Variants in CNTN1 observed in about 807,000 individuals in gnomAD.
The protein encoded by CNTN1 is contactin 1.
CNTN1 carries 38 observed loss-of-function variants against 126.4 expected under a neutral mutation model. The observed-to-expected ratio is 0.30, with a 90% CI of 0.23 to 0.39. The LOEUF is 0.39. CNTN1 is among the 10% of genes least tolerant of loss of function. The pLI is 1.00. For missense variants in CNTN1, 1,009 were observed against 1,248.4 expected (o/e 0.81, Z 2.89); for synonymous variants, 413 against 422.6 (o/e 0.98, Z 0.28).
At chr12:40,878,193 C>CT (rs1279838876) in intron 1 of CNTN1, among the ~76,000 whole-genome samples, 2 of 151,520 alleles carry the variant, frequency 1.3e-5, no homozygotes, top group Non-Finnish European at 2.9e-5. Context: ...GACAAAGTTT[C>CT]TCCATGTTTG....
intron 20 of CNTN1, 105 bp downstream of exon 20, chr12:41,020,545 C>A: frequency 1.4e-6 from 1 of 730,454 alleles, no homozygotes; most frequent in South Asian, 1.7e-5. Flanking sequence ...TATGTGGCAA[C>A]TAATACTTTA....
intron 17 of CNTN1, among the ~76,000 whole-genome samples, chr12:40,999,697 CTTTTTTTTTTT>C (rs398019220): frequency 2.3e-5 from 2 of 86,646 alleles, no homozygotes; most frequent in African/African-American, 9.7e-5. Flanking sequence ...TTCTTCTGTG[CTTTTTTTTTTT>C]TTTTTTTTTT....
At chr12:40,807,845 T>A (rs1343631551) in intron 1 of CNTN1, among the ~76,000 whole-genome samples, 2 of 152,172 alleles carry the variant, frequency 1.3e-5, no homozygotes, top group African/African-American at 4.8e-5. Context: ...ACCTTTAACA[T>A]TTTCTTTTAT....
intron 23 of CNTN1, among the ~76,000 whole-genome samples, chr12:41,066,983 G>A (rs572696985): frequency 1.3e-5 from 2 of 152,212 alleles, no homozygotes; most frequent in South Asian, 2.1e-4. Context: ...AGCAAAATAT[G>A]TGTTTACTAT....
intron 23 of CNTN1, 131 bp downstream of exon 23, chr12:41,029,350 G>A: frequency 9.7e-7 from 1 of 1,028,238 alleles, no homozygotes; most frequent in East Asian, 2.5e-5. Context: ...ACATATCAAG[G>A]ATTCCCTGAA....
intron 3 of CNTN1, 124 bp from the exon 4 acceptor site, chr12:40,918,515 T>G: frequency 1.1e-6 from 1 of 879,860 alleles, no homozygotes; most frequent in Non-Finnish European, 1.8e-6. Flanking sequence ...GGCAAATATC[T>G]TTGTTTTGAA....
chr12:40,720,979 T>TATATATAA (rs1565645409), intron 1 of CNTN1, among the ~76,000 whole-genome samples: 1 of 144,366 alleles, frequency 6.9e-6, no homozygotes, highest in Non-Finnish European at 1.6e-5. Flanking sequence ...ATATATGTTA[T>TATATATAA]AACATATATA....
At position 40,836,874 on chromosome 12, in the gene CNTN1, T is replaced by G. The variant is rs772953454; in HGVS notation, c.-76-71483T>G. On this transcript the variant is annotated intron_variant, in intron 1 of 23. Coordinates refer to ENST00000551295, the MANE Select transcript of CNTN1 (RefSeq NM_001843.4). ...TAATCCTCTCCAGAACACTATGATATCCTCACTTTTAAGTTGGATGTTACG... is the reference window on the plus strand; with the variant it reads ...TAATCCTCTCCAGAACACTATGATAGCCTCACTTTTAAGTTGGATGTTACG... Among the ~76,000 whole-genome samples the G allele has an allele frequency of 6.2e-4, 94 of 152,218 alleles. 1 individual carries two copies. The highest frequency in any genetic ancestry group is 1.2e-4 in the Non-Finnish European group (8 of 68,026).
chr12:40,757,972 A>C (rs1424421298), intron 1 of CNTN1, among the ~76,000 whole-genome samples: 1 of 151,046 alleles, frequency 6.6e-6, no homozygotes, highest in Non-Finnish European at 1.5e-5. Context: ...TAGAATGAGC[A>C]CTTGGTGTTG....
intron 11 of CNTN1, among the ~76,000 whole-genome samples, chr12:40,938,413 G>A (rs956939936): frequency 6.6e-6 from 1 of 152,120 alleles, no homozygotes; most frequent in Admixed American, 6.6e-5. Context: ...CATTTTGCAG[G>A]GTGTTTGCAT....
chr12:40,903,177 A>G (rs531441779), intron 1 of CNTN1, among the ~76,000 whole-genome samples: 1 of 152,322 alleles, frequency 6.6e-6, no homozygotes, highest in East Asian at 1.9e-4. Flanking sequence ...GAGATGCAGC[A>G]GCAGCAGCAG....
chr12:40,897,702 T>G (rs947652777), intron 1 of CNTN1, among the ~76,000 whole-genome samples: 1 of 152,150 alleles, frequency 6.6e-6, no homozygotes, highest in Non-Finnish European at 1.5e-5. Context: ...AAGACCGTGT[T>G]GTGGATATAA....
At position 40,914,231 on chromosome 12, in the gene CNTN1, G is replaced by A. The variant is rs139812897; in HGVS notation, c.94+4126G>A. On this transcript the variant is annotated intron_variant, in intron 3 of 23. Coordinates refer to ENST00000551295, the MANE Select transcript of CNTN1 (RefSeq NM_001843.4). ...ATTTTCTGTAGGCTGAGAACATAAT[G>A]CTTACATTACTGGATCCTTTGCTGA... Among the ~76,000 whole-genome samples the A allele has an allele frequency of 6.2e-3, 938 of 152,192 alleles. 12 individuals are homozygous for A. The highest frequency in any genetic ancestry group is 0.021 in the African/African-American group (884 of 41,538).
intron 23 of CNTN1, among the ~76,000 whole-genome samples, chr12:41,041,435 G>T (rs376539153): frequency 6.6e-6 from 1 of 152,144 alleles, no homozygotes; most frequent in Non-Finnish European, 1.5e-5. Flanking sequence ...CTCATAAAAT[G>T]AGTTAGGGAG....
At chr12:40,959,700 C>A (rs997026622) in intron 15 of CNTN1, among the ~76,000 whole-genome samples, 2 of 151,900 alleles carry the variant, frequency 1.3e-5, no homozygotes, top group Non-Finnish European at 2.9e-5. Flanking sequence ...CTGGTTTTTT[C>A]AAATTAGTGT....
In CNTN1 at chr12:41,013,704, C is replaced by T. The variant is rs577997682; in HGVS notation, c.2114-524C>T. On this transcript the variant is annotated intron_variant, in intron 17 of 23. Coordinates refer to ENST00000551295, the MANE Select transcript of CNTN1 (RefSeq NM_001843.4). ...GATACTACAAGATGATATAAGAGAA[C>T]GGGGGAGAGAGTACTTTGGAGTCAC... is the stretch of plus-strand genomic sequence containing the variant. Among the ~76,000 whole-genome samples, 50 of 152,032 alleles carry T rather than the reference C, an allele frequency of 3.3e-4. 1 individual carries two copies. Among genetic ancestry groups the T allele is most frequent in the Middle Eastern group, 6.8e-3 (2 of 294 alleles).
chr12:41,026,080 A>G (rs2120828379), intron 21 of CNTN1, among the ~76,000 whole-genome samples: 1 of 152,330 alleles, frequency 6.6e-6, no homozygotes, highest in Non-Finnish European at 1.5e-5. Context: ...CATGTGTTTG[A>G]GATCTGTCTC....
chr12:40,847,579 T>C (rs1197540076), intron 1 of CNTN1, among the ~76,000 whole-genome samples: 2 of 152,252 alleles, frequency 1.3e-5, no homozygotes, highest in African/African-American at 4.8e-5. Context: ...TTGTGTTCAC[T>C]ATTTATGCAA....
chr12:40,720,422 G>GTA lies in CNTN1; in HGVS notation c.-77+27831_-77+27832insAT, dbSNP rs1942169618. ...TCATCTCAAAGGGGTGTGTGTGTGT[G>GTA]TGTGTATGTGTACACACACACGAGT... On this transcript the variant is annotated intron_variant, in intron 1 of 23. Coordinates refer to ENST00000551295, the MANE Select transcript of CNTN1 (RefSeq NM_001843.4). Among the ~76,000 whole-genome samples the GTA allele has an allele frequency of 4.0e-5, 6 of 151,314 alleles. No homozygotes were observed. The South Asian group carries it at 1.3e-3, about 32-fold the overall frequency.
Sources: gnomAD v4.1 joint callset for allele counts (sites outside exome capture counted in the v4.1 genomes callset) on GRCh38, gnomAD v4.1.1 for gene constraint, MANE v1.5 for transcripts, NCBI Gene and HGNC (gene_info 2026-07-23, HGNC 2026-07-21) for gene names.